Variants in PRDM11 observed in about 807,000 individuals in gnomAD.
PRDM11 encodes PR/SET domain 11.
In PRDM11, 20 loss-of-function variants were observed where a neutral mutation model predicts 97.8. That is an observed-to-expected ratio of 0.20 (90% CI 0.14 to 0.30). The LOEUF (loss-of-function observed/expected upper bound fraction) is 0.30. Among genes scored for constraint, PRDM11 ranks in the 10% least tolerant of loss-of-function variants. PRDM11 has a pLI of 1.00. For synonymous variants in PRDM11, 599 were observed against 637.7 expected, an observed-to-expected ratio of 0.94 and a Z score of 0.91; for missense variants, 1,139 against 1,555.2, an observed-to-expected ratio of 0.73 and a Z score of 4.50.
chr11:45,136,908 C>T (rs531788916), intron 1 of PRDM11, among the ~76,000 whole-genome samples: 37 of 150,098 alleles, frequency 2.5e-4, no homozygotes, highest in East Asian at 1.2e-3. Context: ...TTTGGGAGGC[C>T]GAGGCGGGTG....
chr11:45,105,711 C>T (rs2135597902), intron 1 of PRDM11, among the ~76,000 whole-genome samples: 1 of 152,350 alleles, frequency 6.6e-6, no homozygotes, highest in Non-Finnish European at 1.5e-5. Context: ...ACAACAATTG[C>T]CAGGACGTAG....
intron 5 of PRDM11, chr11:45,214,173 G>A (rs532322524): frequency 2.4e-4 from 45 of 189,550 alleles, no homozygotes; most frequent in Middle Eastern, 2.4e-3. Flanking sequence ...CTGCTTGCTC[G>A]GGCTGCCTAC....
At chr11:45,191,247 G>A (rs528423607) in intron 4 of PRDM11, among the ~76,000 whole-genome samples, 1 of 152,214 alleles carries the variant, frequency 6.6e-6, no homozygotes, top group Non-Finnish European at 1.5e-5. Context: ...ACAGCTTTTT[G>A]GCACAAGCAA....
chr11:45,189,536 G>T (rs1852834492), intron 4 of PRDM11, among the ~76,000 whole-genome samples: 1 of 152,154 alleles, frequency 6.6e-6, no homozygotes, highest in Non-Finnish European at 1.5e-5. Flanking sequence ...TACTGGATAG[G>T]TTTCCCAGGG....
intron 4 of PRDM11, 132 bp from the exon 5 acceptor site, chr11:45,204,579 G>C (rs1297086596): frequency 1.3e-6 from 1 of 776,880 alleles, no homozygotes; most frequent in Non-Finnish European, 2.2e-6. Flanking sequence ...CAGTTCTGTA[G>C]CAGTGGTGAC....
At chr11:45,111,561 G>A (rs972289610) in intron 1 of PRDM11, among the ~76,000 whole-genome samples, 2 of 152,140 alleles carry the variant, frequency 1.3e-5, no homozygotes, top group African/African-American at 4.8e-5. Context: ...CTTACAGGAT[G>A]AAGAATATGC....
chr11:45,156,477 G>A (rs150482918), intron 1 of PRDM11, among the ~76,000 whole-genome samples: 4 of 152,340 alleles, frequency 2.6e-5, no homozygotes, highest in African/African-American at 9.6e-5. Context: ...ACCGTGGTCC[G>A]CAGACCTCTG....
At chr11:45,172,850 A>T (rs1473506925) in intron 1 of PRDM11, among the ~76,000 whole-genome samples, 1 of 152,160 alleles carries the variant, frequency 6.6e-6, no homozygotes, top group Admixed American at 6.5e-5. Context: ...AATTCCCCTC[A>T]GATACCAGGG....
Position 45,234,889 on chromosome 11 carries a change from T to C in PRDM11, c.*6730T>C, listed in dbSNP as rs575436341. 6.6e-6 allele frequency: 1 copy of C among 152,316 alleles called. No individual in the cohort carries two copies. Among genetic ancestry groups the C allele is most frequent in the Admixed American group, 6.5e-5 (1 of 15,296 alleles). The allele number at this position is 152,316 out of a possible 1,614,324, so 9.4% of individuals were successfully genotyped here. On this transcript the variant is annotated 3_prime_UTR_variant, in exon 8 of 8. Coordinates refer to ENST00000683152, the MANE Select transcript of PRDM11 (RefSeq NM_001384648.1). ...GGATGGGGGGAAATACCTAGGAGTC[T>C]ATTATCACATACATATTAATATGTT...
chr11:45,116,834 G>A (rs1852313518), intron 1 of PRDM11, among the ~76,000 whole-genome samples: 1 of 152,128 alleles, frequency 6.6e-6, no homozygotes, highest in Non-Finnish European at 1.5e-5. Flanking sequence ...GGAACATCTT[G>A]TAGCTCTAGA....
In PRDM11 at chr11:45,182,940, G is replaced by A; in HGVS notation, c.303G>A (p.Val101=). Residue 101 remains valine (V), a synonymous_variant, in exon 4 of 8, where the codon GTG becomes GTA. Coordinates refer to ENST00000683152, the MANE Select transcript of PRDM11 (RefSeq NM_001384648.1). ...CGGTGTTTGTGTCTGACACACCGGT[G>A]CCCGTGGGCATCCCAGACCGGGCGG... ...GPPVFVSDTP[V]PVGIPDRAAL... 2 of 1,613,800 alleles carry A rather than the reference G, an allele frequency of 1.2e-6. No homozygotes were observed. Among genetic ancestry groups the A allele is most frequent in the Non-Finnish European group, 8.5e-7 (1 of 1,179,926 alleles).
At chr11:45,111,727 C>T (rs11607555) in intron 1 of PRDM11, among the ~76,000 whole-genome samples, 2,165 of 152,140 alleles carry the variant, frequency 0.014, 16 homozygotes, top group Non-Finnish European at 0.02. Context: ...GTTTTGTTCC[C>T]GAGGGAGAAA....
At chr11:45,190,263 C>T (rs1852862846) in intron 4 of PRDM11, among the ~76,000 whole-genome samples, 1 of 152,008 alleles carries the variant, frequency 6.6e-6, no homozygotes, top group African/African-American at 2.4e-5. Flanking sequence ...TTTACCACCC[C>T]AGCCTCCCAA....
intron 1 of PRDM11, among the ~76,000 whole-genome samples, chr11:45,104,896 C>G (rs79182289): frequency 0.017 from 2,591 of 152,342 alleles, 56 homozygotes; most frequent in South Asian, 0.067. Context: ...CTCCTGGGAC[C>G]ATCTCCTCCT....
In PRDM11 at chr11:45,219,554, C is replaced by T. The variant is rs1565340794; in HGVS notation, c.555-16C>T. The T allele has an allele frequency of 1.2e-6, 2 of 1,608,244 alleles. No individual in the cohort carries two copies. Among genetic ancestry groups the T allele is most frequent in the South Asian group, 2.2e-5 (2 of 90,598 alleles). ...GGGTGGCCCGTGCGTTCTCACCTGT[C>T]TCCCCTCCCCACCAGGTACGTGGTC... On this transcript the variant is annotated splice_polypyrimidine_tract_variant and intron_variant, in intron 5 of 7. Coordinates refer to ENST00000683152, the MANE Select transcript of PRDM11 (RefSeq NM_001384648.1). The surrounding 1 kb of genome is among the most constrained non-coding windows in gnomAD (Gnocchi z 4.2).
chr11:45,139,592 A>G (rs1852954764), intron 1 of PRDM11, among the ~76,000 whole-genome samples: 1 of 131,812 alleles, frequency 7.6e-6, no homozygotes, highest in Non-Finnish European at 1.7e-5. Context: ...AAAAAAAAAA[A>G]TGTTTTTAGG....
At position 45,224,179 on chromosome 11, in the gene PRDM11, T is replaced by G; in HGVS notation, c.743-38T>G. The stretch of plus-strand genomic sequence containing the variant: ...TCTGTTGGTTTCTCCAATTTGGGGG[T>G]TTTCCCCATTTCCTTACACCCTGGT... On this transcript the variant is annotated intron_variant, in intron 6 of 7. Transcript: ENST00000683152. 2.6e-6 allele frequency: 4 copies of G among 1,524,008 alleles called. No homozygotes were observed. The African/African-American group carries it at 4.2e-5, about 16-fold the overall frequency. The allele number at this position is 1,524,008 out of a possible 1,614,324, so 94.4% of individuals were successfully genotyped here.
chr11:45,185,391 G>A (rs145556044), intron 4 of PRDM11, among the ~76,000 whole-genome samples: 3 of 152,264 alleles, frequency 2.0e-5, no homozygotes, highest in Non-Finnish European at 4.4e-5. Context: ...GAGTGATGGG[G>A]GTGGAACCTG....
chr11:45,122,311 TA>T (rs906315563), intron 1 of PRDM11, among the ~76,000 whole-genome samples: 21 of 129,912 alleles, frequency 1.6e-4, no homozygotes, highest in South Asian at 4.8e-4. Flanking sequence ...GATATCATGG[TA>T]TTTTTTTTAT....
Sources: gnomAD v4.1 joint callset for allele counts (sites outside exome capture counted in the v4.1 genomes callset) on GRCh38, gnomAD v4.1.1 for gene constraint, Gnocchi (gnomAD v3.1) non-coding constraint, MANE v1.5 for transcripts, NCBI Gene and HGNC (gene_info 2026-07-23, HGNC 2026-07-21) for gene names.